GPC6: variants seen among roughly 807,000 people sequenced by gnomAD.
GPC6 encodes glypican-6.
GPC6 carries 14 observed loss-of-function variants against 55.2 expected under a neutral mutation model. That is an observed-to-expected ratio of 0.25 (90% CI 0.17 to 0.40). The LOEUF is 0.40. GPC6 is among the 10% of genes least tolerant of loss of function. The pLI is 1.00. For synonymous variants in GPC6, 278 were observed against 259.6 expected (o/e 1.07, Z -0.68); for missense variants, 641 against 708.5 (o/e 0.90, Z 1.08).
intron 1 of GPC6, among the ~76,000 whole-genome samples, chr13:93,516,875 CA>C (rs1276640963): frequency 6.6e-6 from 1 of 152,058 alleles, no homozygotes; most frequent in Non-Finnish European, 1.5e-5. Flanking sequence ...GGTTTTGCAG[CA>C]GTCTCTTTGA....
chr13:94,140,589 A>G (rs1368564216), intron 4 of GPC6, among the ~76,000 whole-genome samples: 1 of 152,202 alleles, frequency 6.6e-6, no homozygotes, highest in Non-Finnish European at 1.5e-5. Flanking sequence ...GGAAACTTAA[A>G]TTCAGAGAAA....
chr13:94,009,233 A>T (rs1189624553), intron 3 of GPC6, among the ~76,000 whole-genome samples: 1 of 152,160 alleles, frequency 6.6e-6, no homozygotes, highest in Admixed American at 6.5e-5. Context: ...TTTTGTGTGT[A>T]TACAGTATGT....
intron 1 of GPC6, among the ~76,000 whole-genome samples, chr13:93,311,752 C>T (rs1347989960): frequency 6.6e-6 from 1 of 152,166 alleles, no homozygotes; most frequent in Non-Finnish European, 1.5e-5. Context: ...CTGCACTATA[C>T]TCTGGATTGG....
intron 2 of GPC6, among the ~76,000 whole-genome samples, chr13:93,699,516 C>A (rs1169480190): frequency 1.3e-5 from 2 of 152,026 alleles, no homozygotes; most frequent in South Asian, 2.1e-4. Context: ...TCTTGATAGA[C>A]CCATAGTCCT....
At chr13:93,701,009 C>G (rs938121711) in intron 2 of GPC6, among the ~76,000 whole-genome samples, 3 of 152,024 alleles carry the variant, frequency 2.0e-5, no homozygotes, top group African/African-American at 4.8e-5. Flanking sequence ...TTTGTACTTA[C>G]ACTGATTAGA....
intron 3 of GPC6, among the ~76,000 whole-genome samples, chr13:93,972,387 G>A (rs1409560821): frequency 6.6e-6 from 1 of 152,158 alleles, no homozygotes; most frequent in Non-Finnish European, 1.5e-5. Flanking sequence ...CTTTGGGGAT[G>A]CTATGTATGT....
At chr13:93,743,493 T>C (rs966855803) in intron 2 of GPC6, among the ~76,000 whole-genome samples, 6 of 152,284 alleles carry the variant, frequency 3.9e-5, no homozygotes, top group Non-Finnish European at 7.4e-5. Context: ...CTAATTTTCA[T>C]TATTTTTTAC....
intron 2 of GPC6, among the ~76,000 whole-genome samples, chr13:93,594,997 T>C (rs547478693): frequency 2.0e-5 from 3 of 152,234 alleles, no homozygotes; most frequent in African/African-American, 7.2e-5. Context: ...ATTCAGACCA[T>C]AGCAACCAAT....
intron 1 of GPC6, among the ~76,000 whole-genome samples, chr13:93,466,653 T>G (rs148397083): frequency 6.6e-6 from 1 of 152,286 alleles, no homozygotes; most frequent in Non-Finnish European, 1.5e-5. Flanking sequence ...CCATGGGGGA[T>G]TTTTAAAGTG....
At chr13:94,167,721 TG>T (rs376813543) in intron 4 of GPC6, among the ~76,000 whole-genome samples, 34 of 152,136 alleles carry the variant, frequency 2.2e-4, no homozygotes, top group African/African-American at 7.5e-4. Context: ...TTTGAGGAGC[TG>T]CAAGTCTTGC....
intron 1 of GPC6, among the ~76,000 whole-genome samples, chr13:93,337,533 AG>A (rs1396524524): frequency 7.2e-5 from 11 of 152,194 alleles, no homozygotes; most frequent in Non-Finnish European, 1.5e-4. Context: ...CAGAGGCACG[AG>A]ATATTCAATA....
chr13:93,596,834 G>A (rs1298501291), intron 2 of GPC6, among the ~76,000 whole-genome samples: 2 of 148,514 alleles, frequency 1.3e-5, no homozygotes, highest in Non-Finnish European at 3.0e-5. Context: ...ACGTGTGCCT[G>A]TATATATATA....
chr13:93,371,182 T>A (rs974748997), intron 1 of GPC6, among the ~76,000 whole-genome samples: 56 of 152,184 alleles, frequency 3.7e-4, no homozygotes, highest in Admixed American at 1.5e-3. Context: ...ATCAGGTTTA[T>A]GGCTAGAGAG....
intron 6 of GPC6, among the ~76,000 whole-genome samples, chr13:94,335,303 T>G (rs1877624208): frequency 6.6e-6 from 1 of 152,198 alleles, no homozygotes; most frequent in African/African-American, 2.4e-5. Flanking sequence ...ATGCTGAATG[T>G]CCACAAACCC....
At chr13:93,557,970 C>A (rs1875569939) in intron 2 of GPC6, among the ~76,000 whole-genome samples, 1 of 152,030 alleles carries the variant, frequency 6.6e-6, no homozygotes, top group Non-Finnish European at 1.5e-5. Context: ...TTCATTCATT[C>A]TCCATAGTTG....
chr13:94,285,780 C>A (rs17196126), intron 4 of GPC6, among the ~76,000 whole-genome samples: 2 of 152,120 alleles, frequency 1.3e-5, no homozygotes, highest in Non-Finnish European at 2.9e-5. Flanking sequence ...CTTGAATATA[C>A]AGAACCAAAT....
intron 2 of GPC6, among the ~76,000 whole-genome samples, chr13:93,582,723 G>C (rs1876994583): frequency 1.3e-5 from 2 of 152,228 alleles, no homozygotes; most frequent in Admixed American, 1.3e-4. Context: ...GCCTCTGTTA[G>C]ATTGGAGTAG....
chr13:93,865,475 T>C (rs936498302), intron 3 of GPC6, among the ~76,000 whole-genome samples: 3 of 151,688 alleles, frequency 2.0e-5, no homozygotes, highest in Admixed American at 2.0e-4. Flanking sequence ...TTAAGTGGCT[T>C]TCCAGATATC....
chr13:93,451,088 G>A (rs900637189), intron 1 of GPC6, among the ~76,000 whole-genome samples: 5 of 152,180 alleles, frequency 3.3e-5, no homozygotes, highest in Non-Finnish European at 5.9e-5. Flanking sequence ...TTAAGAGAGA[G>A]AGAAAAGAAT....
Sources: allele counts gnomAD v4.1 joint callset (sites outside exome capture counted in the v4.1 genomes callset), GRCh38; gene constraint gnomAD v4.1.1; transcripts MANE v1.5; gene names NCBI Gene and HGNC (gene_info 2026-07-23, HGNC 2026-07-21).